The following DRC1 variants were observed in gnomAD, a reference collection of about 807,000 sequenced individuals.
DRC1 encodes the protein dynein regulatory complex subunit 1.
DRC1 carries 74 observed loss-of-function variants against 98.7 expected under a neutral mutation model. The observed-to-expected ratio is 0.75, with a 90% CI of 0.62 to 0.91. The LOEUF (loss-of-function observed/expected upper bound fraction) is 0.91, where lower values mean the gene tolerates loss of function less well. Among genes scored for constraint, DRC1 ranks in the 40% least tolerant of loss-of-function variants. DRC1 has a pLI of 0.00. For missense variants in DRC1, 875 were observed against 886.0 expected (o/e 0.99, Z 0.16); for synonymous variants, 336 against 334.1 (o/e 1.01, Z -0.06).
intron 7 of DRC1, among the ~76,000 whole-genome samples, chr2:26,438,832 TAGCACAC>T (rs1663639785): frequency 6.6e-6 from 1 of 152,166 alleles, no homozygotes; most frequent in Admixed American, 6.5e-5. Context: ...AGGCTGGAGA[TAGCACAC>T]ACGTGGCAGT....
rs1467854643 is a variant in DRC1 at position 26,453,364 on chromosome 2, G to T, written c.1734G>T (p.Glu578Asp). The stretch of plus-strand genomic sequence containing the variant: ...CGAGCATGGAGAAGGCGAGCATGGA[G>T]GAGACAAGCACGAGGTCAGAATTGG... ...SQASMEKASM[E>D]ETSTRSELEL... Residue 578 changes from glutamate to aspartate, a missense_variant, in exon 14 of 17, where the codon GAG becomes GAT. Coordinates refer to ENST00000288710, the MANE Select transcript of DRC1 (RefSeq NM_145038.5). 6.2e-7 allele frequency: 1 copy of T among 1,614,196 alleles called. No individual in the cohort carries two copies. The highest frequency in any genetic ancestry group is 1.3e-5 in the African/African-American group (1 of 75,048).
intron 2 of DRC1, among the ~76,000 whole-genome samples, chr2:26,417,675 A>G (rs1047422080): frequency 5.3e-5 from 8 of 152,164 alleles, no homozygotes; most frequent in African/African-American, 1.9e-4. Flanking sequence ...CAGCTTGTCA[A>G]TTTCTACCTA....
intron 4 of DRC1, among the ~76,000 whole-genome samples, chr2:26,426,514 G>A (rs1433991799): frequency 6.6e-6 from 1 of 151,734 alleles, no homozygotes; most frequent in South Asian, 2.1e-4. Flanking sequence ...CTACAGGCAT[G>A]CACCACCATG....
At chr2:26,452,603 ATTGT>A (rs979345943) in intron 13 of DRC1, among the ~76,000 whole-genome samples, 4 of 152,324 alleles carry the variant, frequency 2.6e-5, no homozygotes, top group African/African-American at 9.6e-5. Flanking sequence ...TTCACTGTAC[ATTGT>A]TTGAAATGGC....
At chr2:26,421,133 T>C in intron 2 of DRC1, 155 bp from the exon 3 acceptor site, 2 of 549,016 alleles carry the variant, frequency 3.6e-6, no homozygotes, top group Non-Finnish European at 6.4e-6. Context: ...AGAAAAGGGT[T>C]GCTACACAGA....
chr2:26,407,560 C>T (rs112475899), intron 1 of DRC1, among the ~76,000 whole-genome samples: 17 of 152,290 alleles, frequency 1.1e-4, no homozygotes, highest in East Asian at 1.9e-4. Context: ...CTGCTACCCC[C>T]GTCCCTTTAC....
At chr2:26,432,835 C>T (rs1460828626) in intron 7 of DRC1, among the ~76,000 whole-genome samples, 1 of 152,168 alleles carries the variant, frequency 6.6e-6, no homozygotes, top group African/African-American at 2.4e-5. Flanking sequence ...TTTTATACAT[C>T]AGAAATCTGA....
intron 9 of DRC1, 126 bp from the exon 10 acceptor site, chr2:26,444,590 C>T: frequency 9.3e-7 from 1 of 1,077,960 alleles, no homozygotes; most frequent in Non-Finnish European, 1.3e-6. Context: ...AATCAGCCGC[C>T]CAGGGATGGG....
chr2:26,436,596 A>G (rs370548958), intron 7 of DRC1, among the ~76,000 whole-genome samples: 1 of 152,216 alleles, frequency 6.6e-6, no homozygotes. Context: ...TACAGGCATG[A>G]GCCAACATGC....
intron 2 of DRC1, among the ~76,000 whole-genome samples, chr2:26,418,567 A>AATTATATATAATTTATATAT (rs1678899264): frequency 3.8e-5 from 4 of 104,920 alleles, no homozygotes; most frequent in African/African-American, 1.4e-4. Flanking sequence ...TTTATATATA[A>AATTATATATAATTTATATAT]TATATATTAT....
chr2:26,440,523 C>G lies in DRC1; in HGVS notation c.1028+6C>G. 1 of 1,608,512 alleles carries G rather than the reference C, an allele frequency of 6.2e-7. No homozygotes were observed. Among genetic ancestry groups the G allele is most frequent in the South Asian group, 1.1e-5 (1 of 90,058 alleles). ...CAGAAGAGGAAGATCAATCGGTAAG[C>G]TAGCATGCAGAGCGTCTTTCTTCTG... On this transcript the variant is annotated splice_donor_region_variant and intron_variant, in intron 8 of 16. Transcript: ENST00000288710.
chr2:26,448,789 C>T lies in DRC1; in HGVS notation c.1495C>T (p.Leu499=). ...EKTTKRILML[L]CDESGFLIES... ...AACTACCAAGAGGATCCTGATGCTC[C>T]TGTGTGACGAGTCGGTGAGGCCAGG... The change falls in exon 11 of 17, where the codon CTG becomes TTG. Residue 499 remains leucine (L), a synonymous_variant. Transcript: ENST00000288710. 1 of 1,614,184 alleles carries T rather than the reference C, an allele frequency of 6.2e-7. No individual in the cohort carries two copies. The highest frequency in any genetic ancestry group is 8.5e-7 in the Non-Finnish European group (1 of 1,180,038).
intron 4 of DRC1, among the ~76,000 whole-genome samples, chr2:26,428,988 A>G (rs1663358163): frequency 6.6e-6 from 1 of 152,106 alleles, no homozygotes; most frequent in Non-Finnish European, 1.5e-5. Context: ...GAACCTGGAC[A>G]TTAATTGCTC....
intron 2 of DRC1, among the ~76,000 whole-genome samples, chr2:26,418,645 A>AAT (rs1252069140): frequency 4.4e-5 from 4 of 90,892 alleles, no homozygotes; most frequent in Non-Finnish European, 6.1e-5. Context: ...TAATTTATAT[A>AAT]ATATATAAAT....
At chr2:26,425,673 ATGT>A (rs1194270706) in intron 4 of DRC1, among the ~76,000 whole-genome samples, 2 of 152,064 alleles carry the variant, frequency 1.3e-5, no homozygotes, top group Admixed American at 6.6e-5. Flanking sequence ...ACGATTAGAG[ATGT>A]TGTGCATGTT....
At chr2:26,440,628 A>G (rs1440939531) in intron 8 of DRC1, 111 bp downstream of exon 8, 12 of 1,297,670 alleles carry the variant, frequency 9.2e-6, no homozygotes, top group Non-Finnish European at 6.0e-6. Context: ...TATAACCAAC[A>G]CTTATTAAAA....
intron 4 of DRC1, among the ~76,000 whole-genome samples, chr2:26,425,170 G>A (rs1218091490): frequency 6.6e-6 from 1 of 152,152 alleles, no homozygotes; most frequent in African/African-American, 2.4e-5. Flanking sequence ...TCCTGTGAGT[G>A]AAATCATACA....
rs199801693 is a variant in DRC1 at position 26,425,875 on chromosome 2, A to AT, written c.540+1431dup. Among the ~76,000 whole-genome samples, 794 of 149,086 alleles carry AT rather than the reference A, an allele frequency of 5.3e-3. 11 individuals carry two copies. The highest frequency in any genetic ancestry group is 0.017 in the African/African-American group (703 of 40,760). On this transcript the variant is annotated intron_variant, in intron 4 of 16. Coordinates refer to ENST00000288710, the MANE Select transcript of DRC1 (RefSeq NM_145038.5). ...TCCGTATATTGCCTTCTTAGTCTTG[A>AT]TTTTTTTTTTGATGTGCAAACATTT...
intron 7 of DRC1, among the ~76,000 whole-genome samples, chr2:26,439,464 C>T (rs560022962): frequency 1.3e-5 from 2 of 152,284 alleles, no homozygotes; most frequent in Non-Finnish European, 2.9e-5. Flanking sequence ...AAGTATCTGA[C>T]ATAGATTAGG....
Sources: allele counts gnomAD v4.1 joint callset (sites outside exome capture counted in the v4.1 genomes callset), GRCh38; gene constraint gnomAD v4.1.1; transcripts MANE v1.5; gene names NCBI Gene and HGNC (gene_info 2026-07-23, HGNC 2026-07-21).